Variants in RAB11FIP1 observed in about 807,000 individuals in gnomAD.
RAB11FIP1 encodes the protein RAB11 family interacting protein 1, also known as rab11 family-interacting protein 1.
Under a neutral mutation model 83.1 loss-of-function variants are expected in RAB11FIP1, and 49 were observed. That is an observed-to-expected ratio of 0.59 (90% CI 0.47 to 0.75). The LOEUF (loss-of-function observed/expected upper bound fraction) is 0.75. Ranked by LOEUF, RAB11FIP1 falls within the 30% of genes least tolerant of loss-of-function variation. The probability of loss-of-function intolerance (pLI) is 0.00; values close to 1 mark genes in which losing one functional copy is unlikely to be tolerated. For missense variants in RAB11FIP1, 1,536 were observed against 1,598.7 expected, an observed-to-expected ratio of 0.96 and a Z score of 0.67; for synonymous variants, 670 against 656.0, an observed-to-expected ratio of 1.02 and a Z score of -0.33.
intron 1 of RAB11FIP1, among the ~76,000 whole-genome samples, chr8:37,885,468 G>A (rs1806814488): frequency 6.6e-6 from 1 of 152,110 alleles, no homozygotes; most frequent in South Asian, 2.1e-4. Context: ...TGGTGGTCCT[G>A]CCACAGACAA....
At chr8:37,881,497 C>A (rs778141739) in intron 1 of RAB11FIP1, among the ~76,000 whole-genome samples, 4 of 152,090 alleles carry the variant, frequency 2.6e-5, no homozygotes, top group Admixed American at 6.5e-5. Context: ...AGTCATAAAT[C>A]GTTGAGATTA....
chr8:37,889,746 TA>T (rs1806909318), intron 1 of RAB11FIP1, among the ~76,000 whole-genome samples: 1 of 152,088 alleles, frequency 6.6e-6, no homozygotes, highest in African/African-American at 2.4e-5. Context: ...ATTTATTCCA[TA>T]AGCAAGGTAA....
intron 1 of RAB11FIP1, among the ~76,000 whole-genome samples, chr8:37,878,809 G>A (rs1806676280): frequency 6.6e-6 from 1 of 151,524 alleles, no homozygotes; most frequent in South Asian, 2.1e-4. Context: ...AGACCAGCCT[G>A]GGCAATATTG....
chr8:37,864,063 C>G (rs1806294722), intron 5 of RAB11FIP1, among the ~76,000 whole-genome samples: 1 of 152,234 alleles, frequency 6.6e-6, no homozygotes, highest in South Asian at 2.1e-4. Context: ...CACCCAGGGA[C>G]CCCACTTCAC....
chr8:37,874,343 G>T (rs759755165), intron 3 of RAB11FIP1, among the ~76,000 whole-genome samples, 172 bp downstream of exon 3: 3 of 152,194 alleles, frequency 2.0e-5, no homozygotes, highest in Non-Finnish European at 2.9e-5. Flanking sequence ...ATTTATACAG[G>T]GCAGGCCAGG....
In RAB11FIP1 at chr8:37,899,296, T is replaced by C. The variant is rs1807167479; in HGVS notation, c.146A>G (p.Lys49Arg). 4 of 1,610,010 alleles carry C rather than the reference T, an allele frequency of 2.5e-6. No individual in the cohort carries two copies. The highest frequency in any genetic ancestry group is 3.4e-6 in the Non-Finnish European group (4 of 1,178,988). ...CGACACGGAGGTGGCGTACTTCTCC[T>C]TGCCCACCTGGATCACCGCGTACGC... Reference protein sequence around the residue: ...SDAYAVIQVGKEKYATSVSER... With the variant: ...SDAYAVIQVGREKYATSVSER... Residue 49 changes from lysine (K) to arginine (R), a missense_variant, in exon 1 of 6, where the codon AAG (lysine) becomes AGG (arginine). Physicochemically the swap from Lys to Arg is conservative, Grantham distance 26. Transcript: ENST00000330843. This position sits in a 1 kb window ranked among gnomAD's most constrained non-coding sequence, Gnocchi z 4.5.
Position 37,871,503 on chromosome 8 carries a change from G to T in RAB11FIP1, c.3299C>A (p.Pro1100His), listed in dbSNP as rs564200285. Residue 1100 changes from proline to histidine, a missense_variant, in exon 4 of 6, where the codon CCT becomes CAT. Coordinates refer to ENST00000330843, the MANE Select transcript of RAB11FIP1 (RefSeq NM_001002814.3). The part of the protein sequence containing the change: ...SLDNPVPSPS[P>H]SEIFPVTHSF... ...GTGTGTGACAGGAAAGATCTCAGAAGGGGAGGGGCTGGGTACAGGATTGTC... is the reference window on the plus strand; with the variant it reads ...GTGTGTGACAGGAAAGATCTCAGAATGGGAGGGGCTGGGTACAGGATTGTC... The T allele has an allele frequency of 5.0e-6, 8 of 1,612,786 alleles. 1 individual carries two copies. In the African/African-American group the frequency reaches 1.1e-4, roughly 22 times the overall value.
rs567020566 is a variant in RAB11FIP1 at position 37,871,492 on chromosome 8, A to C, written c.3310T>G (p.Phe1104Val). 1 of 1,612,436 alleles carries C rather than the reference A, an allele frequency of 6.2e-7. No homozygotes were observed. ...PVPSPSPSEI[F>V]PVTHSFPSSA... ...CTGGGGAAAGAGTGTGTGACAGGAAAGATCTCAGAAGGGGAGGGGCTGGGT... is the reference window on the plus strand; with the variant it reads ...CTGGGGAAAGAGTGTGTGACAGGAACGATCTCAGAAGGGGAGGGGCTGGGT... The change falls in exon 4 of 6, where the codon TTT becomes GTT. Residue 1104 changes from phenylalanine to valine, a missense_variant. Transcript: ENST00000330843.
At chr8:37,893,839 G>A (rs1807006986) in intron 1 of RAB11FIP1, among the ~76,000 whole-genome samples, 1 of 151,942 alleles carries the variant, frequency 6.6e-6, no homozygotes, top group Admixed American at 6.6e-5. Context: ...AAAGCAGGTA[G>A]AACTTTCTCC....
chr8:37,864,931 CTTTT>C (rs10544799), intron 5 of RAB11FIP1, among the ~76,000 whole-genome samples: 14 of 145,600 alleles, frequency 9.6e-5, no homozygotes, highest in Admixed American at 2.7e-4. Context: ...TACTTAATGC[CTTTT>C]TTTTTTTTTT....
At chr8:37,873,209 G>T in intron 3 of RAB11FIP1, 30 bp from the exon 4 acceptor site, 1 of 1,545,780 alleles carries the variant, frequency 6.5e-7, no homozygotes, top group Non-Finnish European at 8.7e-7. Flanking sequence ...AAATCTGCAG[G>T]TCAGTGCAGA....
intron 1 of RAB11FIP1, among the ~76,000 whole-genome samples, chr8:37,898,382 C>T (rs1807136289): frequency 1.3e-5 from 2 of 151,334 alleles, no homozygotes; most frequent in South Asian, 2.1e-4. Flanking sequence ...GGGCCGGGCG[C>T]GGTGGCTCAC....
Position 37,870,548 on chromosome 8 carries a change from G to GA in RAB11FIP1, c.3525-21dup, listed in dbSNP as rs1264608609. On this transcript the variant is annotated intron_variant, in intron 4 of 5. Coordinates refer to ENST00000330843, the MANE Select transcript of RAB11FIP1 (RefSeq NM_001002814.3). Reference sequence around the variant, plus strand: ...TGAAGTCTAAAGAGAAGGGGAAAAGGATCTTTAGACCCTCCGGTCATGGCA... The same window carrying GA: ...TGAAGTCTAAAGAGAAGGGGAAAAGGAATCTTTAGACCCTCCGGTCATGGCA... 9 of 1,358,450 alleles carry GA rather than the reference G, an allele frequency of 6.6e-6. No homozygotes were observed. The highest frequency in any genetic ancestry group is 9.5e-6 in the Non-Finnish European group (9 of 951,598). The allele number at this position is 1,358,450 out of a possible 1,614,324, so 84.1% of individuals were successfully genotyped here. A position where few individuals can be genotyped will look rare whatever the true frequency, so the allele number is the denominator to read the frequency against.
intron 1 of RAB11FIP1, among the ~76,000 whole-genome samples, chr8:37,894,723 C>CATATATATATATATAT (rs140765783): frequency 4.9e-5 from 7 of 142,036 alleles, no homozygotes; most frequent in African/African-American, 1.6e-4. Context: ...TATATATATA[C>CATATATATATATATAT]ATATATATAT....
chr8:37,878,686 C>A, intron 1 of RAB11FIP1, among the ~76,000 whole-genome samples: 4 of 144,156 alleles, frequency 2.8e-5, no homozygotes, highest in African/African-American at 2.6e-5. Context: ...TAATACAACA[C>A]AGAATTAAAA....
At chr8:37,883,472 G>T (rs1806765329) in intron 1 of RAB11FIP1, among the ~76,000 whole-genome samples, 1 of 152,192 alleles carries the variant, frequency 6.6e-6, no homozygotes, top group African/African-American at 2.4e-5. Context: ...GCCCAGCCAA[G>T]AATTGTTTCT....
Position 37,860,007 on chromosome 8 carries a change from A to G in RAB11FIP1, c.*2888T>C, listed in dbSNP as rs1196029683. The G allele has an allele frequency of 6.6e-6, 1 of 152,656 alleles. No homozygotes were observed. The highest frequency in any genetic ancestry group is 1.9e-4 in the East Asian group (1 of 5,192). The allele number at this position is 152,656 out of a possible 1,614,324, so 9.5% of individuals were successfully genotyped here. On this transcript the variant is annotated 3_prime_UTR_variant, in exon 6 of 6. Transcript: ENST00000330843. ...TTTGGGAGGTGCAGGAATGCTATAA[A>G]CTGAATTTTTTCCCAGCAGCAGCAG... is the stretch of plus-strand genomic sequence containing the variant.
chr8:37,885,930 T>C (rs1233815679), intron 1 of RAB11FIP1, among the ~76,000 whole-genome samples: 1 of 152,230 alleles, frequency 6.6e-6, no homozygotes, highest in Admixed American at 6.5e-5. Flanking sequence ...CAGGGCAGCA[T>C]GGCTCTTGCT....
In RAB11FIP1 at chr8:37,899,183, TGGC is replaced by T. The variant is rs1212031390; in HGVS notation, c.256_258del (p.Ala86del). ...CGGTGCAGCACGGTGAGCTGCAGGG[TGGC>T]GGCGGCCGCGGGTCCGGAGGACAGC... is the stretch of plus-strand genomic sequence containing the variant. On this transcript the variant is annotated inframe_deletion, in exon 1 of 6. Coordinates refer to ENST00000330843, the MANE Select transcript of RAB11FIP1 (RefSeq NM_001002814.3). This position sits in a 1 kb window ranked among gnomAD's most constrained non-coding sequence, Gnocchi z 4.5. The T allele has an allele frequency of 6.4e-7, 1 of 1,561,464 alleles. No individual in the cohort carries two copies. Among genetic ancestry groups the T allele is most frequent in the African/African-American group, 1.4e-5 (1 of 73,346 alleles).
Sources: gnomAD v4.1 joint callset for allele counts (sites outside exome capture counted in the v4.1 genomes callset) on GRCh38, gnomAD v4.1.1 for gene constraint, Gnocchi (gnomAD v3.1) non-coding constraint, MANE v1.5 for transcripts, NCBI Gene and HGNC (gene_info 2026-07-23, HGNC 2026-07-21) for gene names.